The following ODF2L variants were observed in gnomAD, a reference collection of about 807,000 sequenced individuals.
The protein encoded by ODF2L is protein BCAP.
A neutral mutation model predicts 86.3 loss-of-function variants in ODF2L; 76 were observed. The ratio of observed to expected loss-of-function variants is 0.88; its 90% CI spans 0.73 to 1.07. The LOEUF (loss-of-function observed/expected upper bound fraction) is 1.07. Ranked by LOEUF, ODF2L falls within the 50% of genes least tolerant of loss-of-function variation. ODF2L has a pLI of 0.00. For missense variants in ODF2L, 748 were observed against 717.4 expected (o/e 1.04, Z -0.49); for synonymous variants, 241 against 231.3 (o/e 1.04, Z -0.38).
chr1:86,347,992 G>T (rs1051905389), downstream of ODF2L: 3 of 152,144 alleles, frequency 2.0e-5, no homozygotes, highest in East Asian at 1.9e-4. Context: ...CATGGAAAGG[G>T]TGGGATAAGC....
chr1:86,366,577 G>A (rs928034350), intron 11 of ODF2L, among the ~76,000 whole-genome samples: 1 of 142,166 alleles, frequency 7.0e-6, no homozygotes, highest in African/African-American at 2.6e-5. Flanking sequence ...CTGCACTCCA[G>A]CATCAGCAAC....
chr1:86,352,415 C>T (rs1658201427), intron 17 of ODF2L, among the ~76,000 whole-genome samples: 1 of 152,076 alleles, frequency 6.6e-6, no homozygotes, highest in Admixed American at 6.5e-5. Flanking sequence ...GCATCCATCT[C>T]ACATGTATAT....
chr1:86,376,326 AG>A lies in ODF2L; in HGVS notation c.716del (p.Thr239MetfsTer2). ...CTTTAGATGCCTTTTTTAAAGCTAC[AG>A]TTTTTTGCCTACTTGCTTCTTTCAT... On this transcript the variant is annotated frameshift_variant, in exon 8 of 18. Transcript: ENST00000317336. LOFTEE classifies it high-confidence loss of function. 6.2e-7 allele frequency: 1 copy of A among 1,612,324 alleles called. No individual in the cohort carries two copies. The highest frequency in any genetic ancestry group is 8.5e-7 in the Non-Finnish European group (1 of 1,178,606).
chr1:86,395,470 C>T (rs2101637815), intron 1 of ODF2L, among the ~76,000 whole-genome samples: 1 of 152,304 alleles, frequency 6.6e-6, no homozygotes, highest in Non-Finnish European at 1.5e-5. Context: ...ACAGCGGGTT[C>T]AGTGGCAGAG....
exon 5 of ODF2L, chr1:86,383,183 A>G: frequency 6.4e-7 from 1 of 1,567,096 alleles, no homozygotes; most frequent in South Asian, 1.2e-5. Context: ...CATGCTGGAT[A>G]AATTGTCTCC....
At chr1:86,392,181 T>C (rs923396355) in intron 1 of ODF2L, among the ~76,000 whole-genome samples, 3 of 151,998 alleles carry the variant, frequency 2.0e-5, no homozygotes, top group African/African-American at 7.2e-5. Context: ...CAAAAAATAA[T>C]AATAGATGTT....
chr1:86,347,673 A>G (rs1463063156), downstream of ODF2L: 6 of 152,200 alleles, frequency 3.9e-5, no homozygotes, highest in Admixed American at 3.9e-4. Flanking sequence ...AAACATCTTA[A>G]AGAGATATTT....
exon 10 of ODF2L, chr1:86,371,141 A>G: frequency 6.7e-7 from 1 of 1,499,222 alleles, no homozygotes; most frequent in South Asian, 1.3e-5. Context: ...CTTCCAAAAG[A>G]TTAATGATTT....
rs112124782 is a variant in ODF2L, at chr1:86,361,665, C to T, written c.1144-1129G>A. ...ACAAATTTGATGTCTTGTCAAATAA[C>T]ATTTGTCATTAGAAAAATAAAACAA... On this transcript the variant is annotated intron_variant, in intron 11 of 17. Coordinates refer to ENST00000317336, the Ensembl canonical transcript of ODF2L. Among the ~76,000 whole-genome samples, 1,421 of 152,164 alleles carry T rather than the reference C, an allele frequency of 9.3e-3. 21 individuals carry two copies. The highest frequency in any genetic ancestry group is 0.033 in the African/African-American group (1,361 of 41,504).
intron 7 of ODF2L, among the ~76,000 whole-genome samples, chr1:86,378,534 T>C (rs1660334702): frequency 6.6e-6 from 1 of 152,196 alleles, no homozygotes; most frequent in Non-Finnish European, 1.5e-5. Context: ...TACCTGAGAC[T>C]GGGTGATTTA....
intron 14 of ODF2L, chr1:86,355,348 T>C: frequency 6.5e-7 from 1 of 1,535,054 alleles, no homozygotes; most frequent in Non-Finnish European, 8.8e-7. Flanking sequence ...CACTCACCCA[T>C]GCCAAGACAG....
chr1:86,368,590 G>T, intron 11 of ODF2L: 1 of 1,287,858 alleles, frequency 7.8e-7, no homozygotes, highest in Non-Finnish European at 1.0e-6. Context: ...TATTTCCTGT[G>T]CTGATGAGGT....
At chr1:86,381,319 T>A (rs911680807) in intron 7 of ODF2L, among the ~76,000 whole-genome samples, 4 of 152,130 alleles carry the variant, frequency 2.6e-5, no homozygotes, top group African/African-American at 9.7e-5. Context: ...ATCACATGTG[T>A]TCTCCTGTAT....
intron 11 of ODF2L, among the ~76,000 whole-genome samples, chr1:86,368,016 A>C (rs12043873): frequency 6.6e-6 from 1 of 152,154 alleles, no homozygotes; most frequent in Non-Finnish European, 1.5e-5. Context: ...CATGTAAAAA[A>C]CATCAGCTGA....
intron 14 of ODF2L, among the ~76,000 whole-genome samples, chr1:86,355,690 A>G (rs906080857): frequency 2.0e-5 from 3 of 151,284 alleles, no homozygotes; most frequent in Admixed American, 1.3e-4. Flanking sequence ...CCCACTCTCC[A>G]CCCTCTGAAA....
chr1:86,385,882 CTT>C (rs746027747), intron 2 of ODF2L: 15 of 195,154 alleles, frequency 7.7e-5, no homozygotes, highest in Non-Finnish European at 1.4e-4. Flanking sequence ...TATGGAAACT[CTT>C]TAATTGGCAG....
intron 10 of ODF2L, among the ~76,000 whole-genome samples, chr1:86,369,000 T>C (rs1659628410): frequency 6.6e-6 from 1 of 152,164 alleles, no homozygotes; most frequent in Non-Finnish European, 1.5e-5. Context: ...AATATAGTTA[T>C]CTCCAAGGAA....
intron 12 of ODF2L, among the ~76,000 whole-genome samples, chr1:86,359,498 A>G (rs1658863094): frequency 6.7e-6 from 1 of 149,392 alleles, no homozygotes. Context: ...GGCCCCCTTA[A>G]GCTTTCATCC....
intron 5 of ODF2L, 55 bp downstream of exon 5, chr1:86,383,079 A>G: frequency 1.5e-6 from 2 of 1,304,620 alleles, no homozygotes; most frequent in Non-Finnish European, 2.2e-6. Context: ...ACCAAGCAGC[A>G]TGCAAATAAC....
Sources: allele counts gnomAD v4.1 joint callset (sites outside exome capture counted in the v4.1 genomes callset), GRCh38; gene constraint gnomAD v4.1.1; transcripts MANE v1.5; gene names NCBI Gene and HGNC (gene_info 2026-07-23, HGNC 2026-07-21).